Variants in ALKBH3 observed in about 807,000 individuals in gnomAD.
The protein encoded by ALKBH3 is alpha-ketoglutarate-dependent dioxygenase alkB homolog 3.
A neutral mutation model predicts 43.9 loss-of-function variants in ALKBH3; 51 were observed. The observed-to-expected ratio is 1.16, with a 90% CI of 0.93 to 1.47. ALKBH3 has a LOEUF of 1.47. Among genes scored for constraint, ALKBH3 ranks in the 40% most tolerant of loss-of-function variants. The probability of loss-of-function intolerance (pLI) is 0.00; values close to 1 mark genes in which losing one functional copy is unlikely to be tolerated. For missense variants in ALKBH3, 361 were observed against 351.9 expected, an observed-to-expected ratio of 1.03 and a Z score of -0.21; for synonymous variants, 102 against 115.2, an observed-to-expected ratio of 0.89 and a Z score of 0.73.
intron 2 of ALKBH3, 177 bp downstream of exon 2, chr11:43,882,908 T>C: frequency 1.2e-6 from 1 of 847,918 alleles, no homozygotes; most frequent in Non-Finnish European, 1.8e-6. Flanking sequence ...GGGTCTTTAA[T>C]GTTCCTCATA....
At chr11:43,889,296 A>T (rs1951767484) in intron 5 of ALKBH3, among the ~76,000 whole-genome samples, 1 of 152,210 alleles carries the variant, frequency 6.6e-6, no homozygotes, top group Non-Finnish European at 1.5e-5. Context: ...AAGTGCTGGG[A>T]TTACAGGCTT....
At chr11:43,890,213 G>A (rs1042602564) in intron 6 of ALKBH3, among the ~76,000 whole-genome samples, 1 of 151,900 alleles carries the variant, frequency 6.6e-6, no homozygotes, top group East Asian at 1.9e-4. Context: ...ATCCTATTTT[G>A]CATACATTCT....
At chr11:43,884,961 G>A (rs1467492453) in intron 4 of ALKBH3, among the ~76,000 whole-genome samples, 1 of 151,472 alleles carries the variant, frequency 6.6e-6, no homozygotes, top group Non-Finnish European at 1.5e-5. Flanking sequence ...TCCCTATGTT[G>A]CCTGGGCTGG....
chr11:43,900,215 A>AATTTTTTTTTTTTTTTTTTTTTTTTTTT (rs1554976906), intron 7 of ALKBH3, among the ~76,000 whole-genome samples: 3 of 87,150 alleles, frequency 3.4e-5, no homozygotes, highest in African/African-American at 4.5e-5. Context: ...TTTTAATTTA[A>AATTTTTTTTTTTTTTTTTTTTTTTTTTT]TTTTTTTTTT....
At chr11:43,887,297 T>G (rs1474686314) in intron 5 of ALKBH3, among the ~76,000 whole-genome samples, 1 of 152,128 alleles carries the variant, frequency 6.6e-6, no homozygotes, top group East Asian at 1.9e-4. Flanking sequence ...AAATGAGACC[T>G]AGGAAGATTG....
chr11:43,896,317 G>T (rs1951818670), intron 7 of ALKBH3, among the ~76,000 whole-genome samples: 1 of 151,560 alleles, frequency 6.6e-6, no homozygotes, highest in African/African-American at 2.4e-5. Context: ...ATATAAAGGG[G>T]AGTTTATTAA....
intron 4 of ALKBH3, 141 bp downstream of exon 4, chr11:43,884,158 T>C (rs1378890602): frequency 4.9e-6 from 5 of 1,013,178 alleles, no homozygotes; most frequent in Non-Finnish European, 5.9e-6. Flanking sequence ...CCATCTCAAA[T>C]GTCTTTAAAC....
chr11:43,918,223 T>C (rs1429387427), intron 8 of ALKBH3, among the ~76,000 whole-genome samples: 1 of 152,222 alleles, frequency 6.6e-6, no homozygotes, highest in African/African-American at 2.4e-5. Context: ...GCTCCTGGTT[T>C]TCAGCTGTGG....
chr11:43,909,979 A>G (rs1474756605), intron 8 of ALKBH3: 2 of 152,248 alleles, frequency 1.3e-5, no homozygotes, highest in African/African-American at 4.8e-5. Context: ...AATCAAGTCC[A>G]CCAGCCTGTC....
rs770684985 is a variant in ALKBH3 at position 43,901,683 on chromosome 11, T to G, written c.627T>G (p.Phe209Leu). The change falls in exon 8 of 10, where the codon TTT (phenylalanine) becomes TTG (leucine). Residue 209 changes from phenylalanine (F) to leucine (L), a missense_variant. Physicochemically the swap from Phe to Leu is conservative, Grantham distance 22 (BLOSUM62 0). Transcript: ENST00000302708. Reference protein sequence around the residue: ...GRCPIIASLSFGATRTFEMRK... With the variant: ...GRCPIIASLSLGATRTFEMRK... ...GCCCCATTATTGCTTCACTAAGTTT[T>G]GGTGCCACACGCACATTTGAGATGA... 1.9e-6 allele frequency: 3 copies of G among 1,614,156 alleles called. No individual in the cohort carries two copies. The highest frequency in any genetic ancestry group is 2.5e-6 in the Non-Finnish European group (3 of 1,180,062).
At chr11:43,881,471 G>A (rs1951710730) in intron 1 of ALKBH3, 1 of 152,210 alleles carries the variant, frequency 6.6e-6, no homozygotes, top group South Asian at 2.1e-4. Context: ...TCCTCTGCGG[G>A]GACTGTAGGT....
Position 43,889,821 on chromosome 11 carries a change from CAG to C in ALKBH3, c.368_369del (p.Glu123GlyfsTer43), listed in dbSNP as rs759498852. The C allele has an allele frequency of 3.8e-4, 608 of 1,612,044 alleles. No homozygotes were observed. The highest frequency in any genetic ancestry group is 4.8e-4 in the Non-Finnish European group (568 of 1,178,186). The stretch of plus-strand genomic sequence containing the variant: ...TTCCCTGGAAACAGAGGACTGGCAT[CAG>C]AGAGGGTAAGTAGATCCCAGAGGTC... Reference protein sequence around the residue: ...DVPWKQRTGIREDITYQQPRL... With the variant: ...DVPWKQRTGIXEDITYQQPRL... On this transcript the variant is annotated frameshift_variant, in exon 6 of 10. Coordinates refer to ENST00000302708, the MANE Select transcript of ALKBH3 (RefSeq NM_139178.4). LOFTEE classifies it high-confidence loss of function.
At chr11:43,914,245 C>T (rs771424387) in intron 8 of ALKBH3, among the ~76,000 whole-genome samples, 3 of 152,188 alleles carry the variant, frequency 2.0e-5, no homozygotes, top group Non-Finnish European at 4.4e-5. Flanking sequence ...TGCTAGCCTG[C>T]CCTCCTGCTA....
intron 7 of ALKBH3, among the ~76,000 whole-genome samples, chr11:43,894,344 A>G (rs1417539348): frequency 6.6e-6 from 1 of 152,176 alleles, no homozygotes. Context: ...TCTGTGATTC[A>G]TATTTTTTGT....
chr11:43,915,941 A>G (rs890253486), intron 8 of ALKBH3, among the ~76,000 whole-genome samples: 6 of 152,200 alleles, frequency 3.9e-5, no homozygotes, highest in Non-Finnish European at 8.8e-5. Flanking sequence ...ACTTTCCCTC[A>G]TGGAGTTTAT....
Position 43,920,060 on chromosome 11 carries a change from CT to C in ALKBH3, c.*51del, listed in dbSNP as rs1590385384. The C allele has an allele frequency of 1.3e-6, 2 of 1,521,996 alleles. No individual in the cohort carries two copies. Among genetic ancestry groups the C allele is most frequent in the Middle Eastern group, 1.7e-4 (1 of 5,838 alleles). 94.3% of individuals were successfully genotyped at this position (1,521,996 alleles called of 1,614,324 possible). On this transcript the variant is annotated 3_prime_UTR_variant, in exon 10 of 10. Coordinates refer to ENST00000302708, the MANE Select transcript of ALKBH3 (RefSeq NM_139178.4). ...TCACTGAAACGGAGCAAACCTTCCA[CT>C]GAGAAGCCACTTCAAGAGGCTGGTG...
intron 8 of ALKBH3, among the ~76,000 whole-genome samples, chr11:43,918,523 T>C (rs572106667): frequency 9.2e-5 from 14 of 152,322 alleles, no homozygotes; most frequent in African/African-American, 3.1e-4. Flanking sequence ...ATTGAGACTA[T>C]AGGTGCCAAT....
In ALKBH3 at chr11:43,897,228, C is replaced by A. The variant is rs929756412; in HGVS notation, c.460-4288C>A. 3 of 538,004 alleles carry A rather than the reference C, an allele frequency of 5.6e-6. No homozygotes were observed. In the African/African-American group the frequency reaches 5.7e-5, roughly 10 times the overall value. 33.3% of individuals were successfully genotyped at this position (538,004 alleles called of 1,614,324 possible). A position where few individuals can be genotyped will look rare whatever the true frequency, so the allele number is the denominator to read the frequency against. ...TTGCAACTAACCTTTAAGAAGTCAG[C>A]ACCTGTTAGTGGAACCGCGACTGCT... On this transcript the variant is annotated intron_variant, in intron 7 of 9. Coordinates refer to ENST00000302708, the MANE Select transcript of ALKBH3 (RefSeq NM_139178.4).
At chr11:43,917,113 G>A (rs774275141) in intron 8 of ALKBH3, among the ~76,000 whole-genome samples, 6 of 152,174 alleles carry the variant, frequency 3.9e-5, no homozygotes, top group African/African-American at 7.2e-5. Flanking sequence ...TGGTTATGTT[G>A]AATGTAATGT....
Sources: gnomAD v4.1 joint callset for allele counts (sites outside exome capture counted in the v4.1 genomes callset) on GRCh38, gnomAD v4.1.1 for gene constraint, MANE v1.5 for transcripts, NCBI Gene and HGNC (gene_info 2026-07-23, HGNC 2026-07-21) for gene names.